NAALADL2: variants seen among roughly 807,000 people sequenced by gnomAD.
NAALADL2 encodes the protein inactive N-acetylated-alpha-linked acidic dipeptidase-like protein 2.
Under a neutral mutation model 87.2 loss-of-function variants are expected in NAALADL2, and 76 were observed. The observed-to-expected ratio is 0.87, with a 90% confidence interval of 0.72 to 1.05. NAALADL2 has a LOEUF of 1.05. NAALADL2 is among the 50% of genes least tolerant of loss of function. The pLI, the probability that NAALADL2 is intolerant of heterozygous loss-of-function variation, is 0.00. For synonymous variants in NAALADL2, 354 were observed against 331.0 expected, an observed-to-expected ratio of 1.07 and a Z score of -0.75; for missense variants, 1,089 against 945.8, an observed-to-expected ratio of 1.15 and a Z score of -1.99.
At chr3:175,641,863 T>A (rs755855896) in intron 11 of NAALADL2, among the ~76,000 whole-genome samples, 3 of 152,200 alleles carry the variant, frequency 2.0e-5, no homozygotes, top group Non-Finnish European at 4.4e-5. Flanking sequence ...AGTACACTTG[T>A]TTTTCATGAT....
At position 175,660,381 on chromosome 3, in the gene NAALADL2, G is replaced by T. The variant is rs111356393; in HGVS notation, c.1896+32995G>T. On this transcript the variant is annotated intron_variant, in intron 11 of 13. Coordinates refer to ENST00000454872, the MANE Select transcript of NAALADL2 (RefSeq NM_207015.3). ...TGCTATGTCAGACCCTTTTTTCGTT[G>T]ATATGTCACAATAGTACATATTCTG... Among the ~76,000 whole-genome samples, 439 of 151,732 alleles carry T rather than the reference G, an allele frequency of 2.9e-3. 2 individuals carry two copies. The highest frequency in any genetic ancestry group is 0.01 in the African/African-American group (415 of 41,432).
chr3:174,798,895 A>T (rs1718465218), intron 3 of NAALADL2, among the ~76,000 whole-genome samples: 1 of 152,016 alleles, frequency 6.6e-6, no homozygotes, highest in South Asian at 2.1e-4. Context: ...TTAAGCCAGG[A>T]GTGGTGGCTC....
intron 1 of NAALADL2, among the ~76,000 whole-genome samples, chr3:174,948,911 A>G (rs1739900124): frequency 6.6e-6 from 1 of 152,164 alleles, no homozygotes. Context: ...ATTTCTCCCA[A>G]TTCTGGAGGC....
intron 12 of NAALADL2, among the ~76,000 whole-genome samples, chr3:175,750,970 AAG>A (rs1746550877): frequency 6.6e-6 from 1 of 152,190 alleles, no homozygotes; most frequent in African/African-American, 2.4e-5. Flanking sequence ...TGAAGGGAAA[AAG>A]AATAAATGCA....
At chr3:174,510,235 T>C (rs1229464885) in intron 1 of NAALADL2, among the ~76,000 whole-genome samples, 5 of 152,290 alleles carry the variant, frequency 3.3e-5, no homozygotes, top group African/African-American at 1.2e-4. Context: ...TAGTATAATG[T>C]TGGCTTCATC....
chr3:175,431,855 A>T (rs1717812175), intron 5 of NAALADL2, among the ~76,000 whole-genome samples: 1 of 151,974 alleles, frequency 6.6e-6, no homozygotes, highest in Non-Finnish European at 1.5e-5. Context: ...TTTTATTCTT[A>T]TACTCATCCA....
chr3:175,330,403 A>C (rs1761258187), intron 5 of NAALADL2, among the ~76,000 whole-genome samples: 1 of 151,820 alleles, frequency 6.6e-6, no homozygotes, highest in Admixed American at 6.6e-5. Context: ...TGATCACAGT[A>C]CTTCACGCAA....
chr3:175,049,204 T>A (rs1265147384), intron 1 of NAALADL2, among the ~76,000 whole-genome samples: 2 of 151,990 alleles, frequency 1.3e-5, no homozygotes, highest in African/African-American at 4.8e-5. Flanking sequence ...TTGGAACAAA[T>A]GATATTGATG....
At chr3:175,256,301 T>C (rs569228574) in intron 3 of NAALADL2, 110 bp from the exon 4 acceptor site, 1 of 1,011,822 alleles carries the variant, frequency 9.9e-7, no homozygotes, top group African/African-American at 1.6e-5. Flanking sequence ...GAATTAATTC[T>C]ATATTGAACA....
chr3:175,578,779 A>G (rs891866347), intron 10 of NAALADL2, among the ~76,000 whole-genome samples: 2 of 152,244 alleles, frequency 1.3e-5, no homozygotes, highest in Non-Finnish European at 2.9e-5. Flanking sequence ...TGTTTGACCT[A>G]TAAGTTACTG....
chr3:175,515,213 A>G lies in NAALADL2; in HGVS notation c.1653+43455A>G, dbSNP rs185627377. On this transcript the variant is annotated intron_variant, in intron 9 of 13. Coordinates refer to ENST00000454872, the MANE Select transcript of NAALADL2 (RefSeq NM_207015.3). ...AATGTTGCAACAACTTGTTCCATTA[A>G]AAATAGGCTATAAATTAGAGCAAGA... 8.2e-4 allele frequency among the ~76,000 whole-genome samples: 125 copies of G among 152,310 alleles called. 1 individual carries two copies. Among genetic ancestry groups the G allele is most frequent in the South Asian group, 1.4e-3 (7 of 4,828 alleles).
At chr3:175,603,663 G>T (rs1409372347) in intron 10 of NAALADL2, among the ~76,000 whole-genome samples, 1 of 152,090 alleles carries the variant, frequency 6.6e-6, no homozygotes, top group Non-Finnish European at 1.5e-5. Context: ...TCCTTTTTAA[G>T]GTTGAATAGT....
intron 2 of NAALADL2, among the ~76,000 whole-genome samples, chr3:174,608,119 G>A (rs1344365297): frequency 1.3e-5 from 2 of 151,738 alleles, no homozygotes; most frequent in African/African-American, 2.4e-5. Context: ...TGAAACCAAC[G>A]AGAACAAAGA....
intron 3 of NAALADL2, among the ~76,000 whole-genome samples, chr3:174,828,009 C>A (rs1722192073): frequency 6.6e-6 from 1 of 152,026 alleles, no homozygotes; most frequent in Non-Finnish European, 1.5e-5. Flanking sequence ...ATAGCGAGAT[C>A]CTGTCTCTAC....
intron 2 of NAALADL2, among the ~76,000 whole-genome samples, chr3:175,101,598 G>C (rs1431835057): frequency 2.6e-5 from 4 of 152,142 alleles, no homozygotes; most frequent in South Asian, 2.1e-4. Context: ...GGCAAAAGCC[G>C]CAATTACTTT....
intron 12 of NAALADL2, among the ~76,000 whole-genome samples, chr3:175,740,691 C>T (rs1039440710): frequency 1.3e-5 from 2 of 152,160 alleles, no homozygotes; most frequent in Admixed American, 1.3e-4. Flanking sequence ...GCGCATCTCC[C>T]CATGATCTTT....
intron 2 of NAALADL2, among the ~76,000 whole-genome samples, chr3:174,591,095 A>G (rs1270992043): frequency 6.6e-6 from 1 of 152,176 alleles, no homozygotes. Flanking sequence ...TCATTATCTG[A>G]AGGCTGGGAA....
chr3:175,384,058 T>C (rs1225496560), intron 5 of NAALADL2, among the ~76,000 whole-genome samples: 1 of 152,054 alleles, frequency 6.6e-6, no homozygotes, highest in East Asian at 1.9e-4. Context: ...ATTCTTATCA[T>C]TTGCCTATTT....
At chr3:174,914,178 T>C (rs973264703) in intron 1 of NAALADL2, among the ~76,000 whole-genome samples, 5 of 151,900 alleles carry the variant, frequency 3.3e-5, no homozygotes, top group African/African-American at 1.2e-4. Context: ...TTCTCCTGCC[T>C]CAGCCTCCCG....
Sources: gnomAD v4.1 joint callset for allele counts (sites outside exome capture counted in the v4.1 genomes callset) on GRCh38, gnomAD v4.1.1 for gene constraint, MANE v1.5 for transcripts, NCBI Gene and HGNC (gene_info 2026-07-23, HGNC 2026-07-21) for gene names.